Variants in IFT74 observed in about 807,000 individuals in gnomAD.
IFT74 encodes intraflagellar transport 74.
In IFT74, 92 loss-of-function variants were observed where a neutral mutation model predicts 96.7. The observed-to-expected ratio is 0.95, with a 90% CI of 0.80 to 1.13. The LOEUF is 1.13. Among genes scored for constraint, IFT74 ranks in the 50% most tolerant of loss-of-function variants. The pLI, the probability that IFT74 is intolerant of heterozygous loss-of-function variation, is 0.00. For synonymous variants in IFT74, 223 were observed against 213.2 expected (o/e 1.05, Z -0.40); for missense variants, 811 against 698.2 (o/e 1.16, Z -1.82).
intron 2 of IFT74, among the ~76,000 whole-genome samples, chr9:26,963,311 G>C (rs1302691006): frequency 6.6e-6 from 1 of 152,010 alleles, no homozygotes; most frequent in Non-Finnish European, 1.5e-5. Context: ...TGATTGCATG[G>C]TATTCCATGG....
intron 12 of IFT74, among the ~76,000 whole-genome samples, chr9:27,027,363 C>A (rs1226209976): frequency 6.6e-6 from 1 of 152,024 alleles, no homozygotes; most frequent in African/African-American, 2.4e-5. Context: ...GATGGAGCCA[C>A]AGCTGAATTC....
At chr9:27,057,596 G>T (rs1219090272) in intron 18 of IFT74, among the ~76,000 whole-genome samples, 1 of 152,108 alleles carries the variant, frequency 6.6e-6, no homozygotes, top group Non-Finnish European at 1.5e-5. Flanking sequence ...GGTGGTTCAC[G>T]CCTGTAATCC....
At chr9:26,989,349 C>T (rs975722374) in intron 7 of IFT74, among the ~76,000 whole-genome samples, 14 of 152,014 alleles carry the variant, frequency 9.2e-5, no homozygotes, top group African/African-American at 3.4e-4. Flanking sequence ...GCACATGTAC[C>T]TCTGATTCTA....
At chr9:26,969,915 T>C (rs769088860) in intron 2 of IFT74, among the ~76,000 whole-genome samples, 1 of 152,186 alleles carries the variant, frequency 6.6e-6, no homozygotes, top group Non-Finnish European at 1.5e-5. Flanking sequence ...TTTATGAATC[T>C]TATCCTGTCA....
At chr9:26,987,850 A>G (rs1446163319) in intron 6 of IFT74, among the ~76,000 whole-genome samples, 1 of 152,146 alleles carries the variant, frequency 6.6e-6, no homozygotes, top group Non-Finnish European at 1.5e-5. Context: ...TAGACTTACT[A>G]CTGTTCCATC....
At chr9:26,949,813 C>A (rs1008162586) in intron 1 of IFT74, among the ~76,000 whole-genome samples, 1 of 152,146 alleles carries the variant, frequency 6.6e-6, no homozygotes, top group Non-Finnish European at 1.5e-5. Context: ...GAACTATCTT[C>A]GTGAACCTGA....
intron 18 of IFT74, among the ~76,000 whole-genome samples, chr9:27,058,599 G>T (rs1405348518): frequency 1.3e-5 from 2 of 152,058 alleles, no homozygotes; most frequent in Non-Finnish European, 2.9e-5. Context: ...TGTTGGCCAG[G>T]CTGGTCTCGA....
upstream of IFT74, among the ~76,000 whole-genome samples, chr9:26,954,766 G>T (rs1473494170): frequency 6.6e-6 from 1 of 151,932 alleles, no homozygotes; most frequent in Non-Finnish European, 1.5e-5. Flanking sequence ...TGAAACACAA[G>T]TAGTCTTACA....
intron 18 of IFT74, among the ~76,000 whole-genome samples, chr9:27,059,981 A>G (rs1358222016): frequency 6.6e-6 from 1 of 152,256 alleles, no homozygotes; most frequent in African/African-American, 2.4e-5. Flanking sequence ...CAGAAAAACA[A>G]TATAATTCTA....
intron 8 of IFT74, among the ~76,000 whole-genome samples, chr9:26,997,397 G>A (rs908397611): frequency 2.1e-5 from 3 of 140,946 alleles, no homozygotes; most frequent in Admixed American, 7.7e-5. Flanking sequence ...GCAGTGGCAC[G>A]ATCTCGGCTC....
At chr9:27,057,476 C>T (rs563999572) in intron 18 of IFT74, among the ~76,000 whole-genome samples, 12 of 152,086 alleles carry the variant, frequency 7.9e-5, no homozygotes, top group Admixed American at 2.6e-4. Context: ...TCAATAACTA[C>T]GGTCTGAAAA....
chr9:27,064,083 G>A lies in IFT74; in HGVS notation c.*1347G>A, dbSNP rs1362366026. 2.6e-5 allele frequency among the ~76,000 whole-genome samples: 4 copies of A among 152,138 alleles called. No homozygotes were observed. Among genetic ancestry groups the A allele is most frequent in the Non-Finnish European group, 5.9e-5 (4 of 67,968 alleles). On this transcript the variant is annotated 3_prime_UTR_variant, in exon 20 of 20. Transcript: ENST00000380062. Reference sequence around the variant, plus strand: ...TGCTAATGTATAATAAGCTCAAGAAGAATATATACTGTAAAGCATTTCCCA... The same window carrying A: ...TGCTAATGTATAATAAGCTCAAGAAAAATATATACTGTAAAGCATTTCCCA...
intron 1 of IFT74, among the ~76,000 whole-genome samples, chr9:26,947,898 A>G (rs1825796784): frequency 6.6e-6 from 1 of 152,122 alleles, no homozygotes; most frequent in African/African-American, 2.4e-5. Context: ...CGTATTTTTA[A>G]CAACCCCGCC....
intron 2 of IFT74, among the ~76,000 whole-genome samples, chr9:26,976,224 AAGACCTCTT>A (rs1323850959): frequency 6.6e-6 from 1 of 152,152 alleles, no homozygotes; most frequent in African/African-American, 2.4e-5. Flanking sequence ...GGGGTGACTG[AAGACCTCTT>A]CTTGAAGGAG....
chr9:26,948,757 C>G (rs1012489435), intron 1 of IFT74, among the ~76,000 whole-genome samples: 2 of 152,114 alleles, frequency 1.3e-5, no homozygotes, highest in African/African-American at 4.8e-5. Flanking sequence ...GCCACCACGC[C>G]TGGCCGGCTT....
intron 10 of IFT74, among the ~76,000 whole-genome samples, chr9:27,014,545 A>G (rs1829254232): frequency 1.3e-5 from 2 of 152,168 alleles, no homozygotes; most frequent in Admixed American, 6.5e-5. Context: ...AAAATACACA[A>G]TATGTGCAAA....
intron 1 of IFT74, chr9:26,947,344 C>T: frequency 2.5e-6 from 1 of 404,078 alleles, no homozygotes; most frequent in Non-Finnish European, 4.4e-6. Context: ...GGCTTTCCTC[C>T]AGGGCTCTGG....
chr9:27,052,437 G>A (rs538967161), intron 16 of IFT74, among the ~76,000 whole-genome samples: 14 of 151,416 alleles, frequency 9.2e-5, no homozygotes, highest in African/African-American at 3.2e-4. Context: ...GGACCCGGGA[G>A]GTGGAGGTTG....
intron 1 of IFT74, among the ~76,000 whole-genome samples, chr9:26,949,957 C>T (rs760315443): frequency 2.6e-5 from 4 of 152,126 alleles, no homozygotes; most frequent in African/African-American, 4.8e-5. Context: ...GAGTACTTGG[C>T]GAAGTTACAA....
Sources: gnomAD v4.1 joint callset for allele counts (sites outside exome capture counted in the v4.1 genomes callset) on GRCh38, gnomAD v4.1.1 for gene constraint, MANE v1.5 for transcripts, NCBI Gene and HGNC (gene_info 2026-07-23, HGNC 2026-07-21) for gene names.